LRMDA: variants seen among roughly 807,000 people sequenced by gnomAD.
LRMDA encodes the protein leucine-rich melanocyte differentiation-associated protein.
LRMDA carries 18 observed loss-of-function variants against 29.8 expected under a neutral mutation model. That is an observed-to-expected ratio of 0.60 (90% CI 0.42 to 0.90). The LOEUF (loss-of-function observed/expected upper bound fraction) is 0.90. LRMDA is among the 40% of genes least tolerant of loss of function. LRMDA has a pLI of 0.00. For missense variants in LRMDA, 273 were observed against 273.9 expected (o/e 1.00, Z 0.02); for synonymous variants, 125 against 109.4 (o/e 1.14, Z -0.89).
chr10:76,370,529 C>G (rs1841442097), intron 6 of LRMDA, among the ~76,000 whole-genome samples: 1 of 152,150 alleles, frequency 6.6e-6, no homozygotes, highest in Non-Finnish European at 1.5e-5. Context: ...ATTGTAGGCT[C>G]CCCTTATCTG....
intron 2 of LRMDA, among the ~76,000 whole-genome samples, chr10:75,790,475 A>G (rs1474335565): frequency 6.6e-6 from 1 of 152,238 alleles, no homozygotes; most frequent in Non-Finnish European, 1.5e-5. Context: ...CAAGAAGCTA[A>G]GAACATGACC....
intron 6 of LRMDA, among the ~76,000 whole-genome samples, chr10:76,444,599 C>T (rs899529806): frequency 2.6e-5 from 4 of 152,176 alleles, no homozygotes; most frequent in African/African-American, 9.7e-5. Context: ...AGAATCTGTT[C>T]TGATGGTGTG....
chr10:76,144,009 C>T (rs140340650), intron 5 of LRMDA, among the ~76,000 whole-genome samples: 2,580 of 152,066 alleles, frequency 0.017, 77 homozygotes, highest in African/African-American at 0.059. Flanking sequence ...TGTAGACATG[C>T]GGCATTATTT....
intron 6 of LRMDA, among the ~76,000 whole-genome samples, chr10:76,450,474 C>G (rs1842394808): frequency 6.6e-6 from 1 of 152,020 alleles, no homozygotes; most frequent in Non-Finnish European, 1.5e-5. Context: ...TTATTTAAAG[C>G]CTTATAAGCA....
At chr10:75,762,966 A>C (rs1843116746) in intron 2 of LRMDA, among the ~76,000 whole-genome samples, 2 of 152,194 alleles carry the variant, frequency 1.3e-5, no homozygotes, top group Admixed American at 6.5e-5. Flanking sequence ...ATTTCTTCCT[A>C]CCAAGAAAGA....
intron 2 of LRMDA, among the ~76,000 whole-genome samples, chr10:75,608,129 TAC>T (rs71477024): frequency 2.2e-5 from 2 of 89,546 alleles, no homozygotes; most frequent in Admixed American, 1.3e-4. Flanking sequence ...TATATATATA[TAC>T]ACACACATAC....
chr10:76,422,434 T>C (rs1314975810), intron 6 of LRMDA, among the ~76,000 whole-genome samples: 2 of 152,124 alleles, frequency 1.3e-5, no homozygotes, highest in East Asian at 3.9e-4. Context: ...ACTCTCACTC[T>C]CATCAAATTA....
chr10:75,899,015 C>T (rs971126093), intron 2 of LRMDA, among the ~76,000 whole-genome samples: 2 of 152,192 alleles, frequency 1.3e-5, no homozygotes, highest in Admixed American at 6.5e-5. Context: ...ATACCTGGCC[C>T]TATGCTGTGC....
intron 5 of LRMDA, among the ~76,000 whole-genome samples, chr10:76,243,527 G>A (rs190554160): frequency 2.6e-5 from 4 of 152,230 alleles, no homozygotes; most frequent in Admixed American, 2.6e-4. Context: ...GCAATGGCAC[G>A]GTATTTAAGG....
intron 2 of LRMDA, among the ~76,000 whole-genome samples, chr10:75,920,617 C>T (rs1314740502): frequency 1.3e-5 from 2 of 152,142 alleles, no homozygotes; most frequent in Non-Finnish European, 2.9e-5. Flanking sequence ...AGTCACATAG[C>T]TGATTGTTAT....
At chr10:75,752,577 T>C (rs1842981968) in intron 2 of LRMDA, among the ~76,000 whole-genome samples, 1 of 152,188 alleles carries the variant, frequency 6.6e-6, no homozygotes. Context: ...TGGTATACTT[T>C]GGTATGGTGA....
intron 6 of LRMDA, among the ~76,000 whole-genome samples, chr10:76,478,749 G>T (rs1842705360): frequency 6.6e-6 from 1 of 152,066 alleles, no homozygotes. Flanking sequence ...CCTTTGTAGG[G>T]ACATGGATGA....
At chr10:75,522,693 A>G (rs570931884) in intron 2 of LRMDA, among the ~76,000 whole-genome samples, 5 of 152,354 alleles carry the variant, frequency 3.3e-5, no homozygotes, top group Non-Finnish European at 7.3e-5. Flanking sequence ...GGATTCCCAT[A>G]CCTTCTATTG....
chr10:76,255,228 C>T (rs1438810517), intron 5 of LRMDA, among the ~76,000 whole-genome samples: 1 of 152,060 alleles, frequency 6.6e-6, no homozygotes, highest in Non-Finnish European at 1.5e-5. Context: ...GCAAAATGAA[C>T]TTTTGAAGGC....
intron 5 of LRMDA, among the ~76,000 whole-genome samples, chr10:76,200,668 C>T (rs1851409376): frequency 6.6e-6 from 1 of 151,800 alleles, no homozygotes; most frequent in Non-Finnish European, 1.5e-5. Flanking sequence ...TAGCATGCCA[C>T]ATATTACCAA....
At chr10:75,498,893 G>A (rs146147292) in intron 2 of LRMDA, among the ~76,000 whole-genome samples, 2 of 152,010 alleles carry the variant, frequency 1.3e-5, no homozygotes, top group Admixed American at 1.3e-4. Context: ...GAAGCCTAAA[G>A]GGGGAGTGAG....
chr10:76,396,926 A>T (rs1282553903), intron 6 of LRMDA, among the ~76,000 whole-genome samples: 1 of 152,148 alleles, frequency 6.6e-6, no homozygotes, highest in Admixed American at 6.6e-5. Context: ...GGCCCCCAGA[A>T]GTTTTGAAAC....
chr10:76,332,239 T>C (rs796655415), intron 6 of LRMDA, among the ~76,000 whole-genome samples: 12 of 152,332 alleles, frequency 7.9e-5, no homozygotes, highest in African/African-American at 2.6e-4. Flanking sequence ...CCAAGTGGAA[T>C]TGAAGATGGA....
intron 2 of LRMDA, among the ~76,000 whole-genome samples, chr10:75,655,285 C>T (rs1217336226): frequency 6.6e-6 from 1 of 152,220 alleles, no homozygotes; most frequent in Non-Finnish European, 1.5e-5. Flanking sequence ...CATTTTATCA[C>T]CATACTTCTC....
Sources: allele counts gnomAD v4.1 joint callset (sites outside exome capture counted in the v4.1 genomes callset), GRCh38; gene constraint gnomAD v4.1.1; transcripts MANE v1.5; gene names NCBI Gene and HGNC (gene_info 2026-07-23, HGNC 2026-07-21).